Variants in RGSL1 observed in about 807,000 individuals in gnomAD.
RGSL1 encodes regulator of G protein signaling protein-like.
Under a neutral mutation model 124.7 loss-of-function variants are expected in RGSL1, and 97 were observed. The observed-to-expected ratio is 0.78, with a 90% CI of 0.66 to 0.92. The LOEUF (loss-of-function observed/expected upper bound fraction) is 0.92, where lower values mean the gene tolerates loss of function less well. Ranked by LOEUF, RGSL1 falls within the 40% of genes least tolerant of loss-of-function variation. The probability of loss-of-function intolerance (pLI) is 0.00; values close to 1 mark genes in which losing one functional copy is unlikely to be tolerated. For missense variants in RGSL1, 1,233 were observed against 1,288.4 expected (o/e 0.96, Z 0.66); for synonymous variants, 424 against 438.1 (o/e 0.97, Z 0.40).
intron 9 of RGSL1, among the ~76,000 whole-genome samples, chr1:182,504,567 T>C (rs1244060931): frequency 2.6e-5 from 4 of 150,994 alleles, no homozygotes; most frequent in African/African-American, 9.7e-5. Flanking sequence ...CTATGGAAAT[T>C]AGATTCTCCC....
chr1:182,549,843 A>G (rs1660450844), intron 17 of RGSL1: 1 of 152,236 alleles, frequency 6.6e-6, no homozygotes, highest in South Asian at 2.1e-4. Flanking sequence ...TAACCTTTTG[A>G]ACATCAAATG....
chr1:182,478,973 T>TGAGA (rs1654494850), intron 6 of RGSL1, among the ~76,000 whole-genome samples: 2 of 152,230 alleles, frequency 1.3e-5, no homozygotes, highest in African/African-American at 4.8e-5. Flanking sequence ...AACTGGCAAT[T>TGAGA]GAGAATTCTT....
In RGSL1 at chr1:182,548,681, G is replaced by C. The variant is rs145104723; in HGVS notation, c.2809-19G>C. 2.2e-5 allele frequency: 34 copies of C among 1,550,800 alleles called. No individual in the cohort carries two copies. The highest frequency in any genetic ancestry group is 2.8e-5 in the Non-Finnish European group (32 of 1,146,800). ...CCCGTGGAGCCTCTGCCAGTGACAG[G>C]CTCCCACTCTGTGGGTAGGTGAATG... On this transcript the variant is annotated intron_variant, in intron 16 of 21. Transcript: ENST00000294854.
At position 182,459,578 on chromosome 1, in the gene RGSL1, A is replaced by G. The variant is rs116472543; in HGVS notation, c.172-426A>G. On this transcript the variant is annotated intron_variant, in intron 3 of 21. Transcript: ENST00000294854. The stretch of plus-strand genomic sequence containing the variant: ...ATGTGTGAATTTTGTTTTTGTACAT[A>G]TAGTGCAATTGATAGGGGTTAGGAG... Among the ~76,000 whole-genome samples, 1,484 of 152,336 alleles carry G rather than the reference A, an allele frequency of 9.7e-3. 19 individuals carry two copies. The highest frequency in any genetic ancestry group is 0.034 in the African/African-American group (1,416 of 41,588).
At chr1:182,488,898 G>A in intron 7 of RGSL1, 82 bp from the exon 8 acceptor site, 1 of 1,082,072 alleles carries the variant, frequency 9.2e-7, no homozygotes, top group Non-Finnish European at 1.4e-6. Context: ...GGGAGGCATG[G>A]AGCACTGAGT....
intron 20 of RGSL1, 68 bp downstream of exon 20, chr1:182,554,761 G>C (rs980696287): frequency 4.0e-5 from 58 of 1,460,834 alleles, no homozygotes; most frequent in Middle Eastern, 1.8e-4. Context: ...AATAGGAGAT[G>C]GTATAAACTT....
rs1215640113 is a variant in RGSL1 at position 182,473,892 on chromosome 1, C to A, written c.781C>A (p.Pro261Thr). 6.4e-7 allele frequency: 1 copy of A among 1,551,750 alleles called. No homozygotes were observed. The highest frequency in any genetic ancestry group is 8.7e-7 in the Non-Finnish European group (1 of 1,147,024). Residue 261 changes from proline (P) to threonine (T), a missense_variant, in exon 6 of 22, where the codon CCT (proline) becomes ACT (threonine). Pro to Thr is a conservative substitution (Grantham distance 38). Coordinates refer to ENST00000294854, the MANE Select transcript of RGSL1 (RefSeq NM_001137669.2). ...GAGGAAGATGTGGCAATTGGTAGAT[C>A]CTGACTCTTGGTCTCTGGAAATGGA... ...AKRKMWQLVD[P>T]DSWSLEMDLK...
intron 13 of RGSL1, among the ~76,000 whole-genome samples, chr1:182,531,139 G>C (rs1371012810): frequency 6.6e-6 from 1 of 152,134 alleles, no homozygotes; most frequent in Non-Finnish European, 1.5e-5. Context: ...TAGTGTAGAG[G>C]ACATGGATTG....
At chr1:182,517,282 G>GTT (rs33967101) in intron 9 of RGSL1, among the ~76,000 whole-genome samples, 30,174 of 142,252 alleles carry the variant, frequency 0.21, 3,389 homozygotes, top group Middle Eastern at 0.29. Context: ...TTCTATTTCT[G>GTT]TTTTTTTTTT....
chr1:182,545,989 T>C (rs1660189103), intron 15 of RGSL1, among the ~76,000 whole-genome samples: 1 of 152,186 alleles, frequency 6.6e-6, no homozygotes, highest in African/African-American at 2.4e-5. Context: ...CTGTTATTAT[T>C]TTGAATAAGT....
In RGSL1 at chr1:182,484,122, T is replaced by C. The variant is rs144341215; in HGVS notation, c.1432-4163T>C. Reference sequence around the variant, plus strand: ...TACTTGGGATACAGGGAAAGGGATGTCTTAGCAGCTAGGACTCTAGAGGGC... The same window carrying C: ...TACTTGGGATACAGGGAAAGGGATGCCTTAGCAGCTAGGACTCTAGAGGGC... On this transcript the variant is annotated intron_variant, in intron 6 of 21. Transcript: ENST00000294854. Among the ~76,000 whole-genome samples the C allele has an allele frequency of 3.4e-4, 52 of 152,146 alleles. No individual in the cohort carries two copies. The East Asian group carries it at 0.01, about 29-fold the overall frequency.
At chr1:182,461,648 T>C (rs557005221) in intron 4 of RGSL1, among the ~76,000 whole-genome samples, 2 of 151,690 alleles carry the variant, frequency 1.3e-5, no homozygotes, top group South Asian at 4.2e-4. Flanking sequence ...AATGGAAATA[T>C]TAATACAGAG....
At position 182,453,957 on chromosome 1, in the gene RGSL1, G is replaced by C; in HGVS notation, c.14-1G>C. The C allele has an allele frequency of 6.9e-7, 1 of 1,457,778 alleles. No homozygotes were observed. The highest frequency in any genetic ancestry group is 9.4e-7 in the Non-Finnish European group (1 of 1,062,126). 90.3% of individuals were successfully genotyped at this position (1,457,778 alleles called of 1,614,324 possible). ...TTTTTTATTTCTCTCTCTCCATATAGAGATAATTGGTTCTACAAATCTTAT... is the reference window on the plus strand; with the variant it reads ...TTTTTTATTTCTCTCTCTCCATATACAGATAATTGGTTCTACAAATCTTAT... On this transcript the variant is annotated splice_acceptor_variant, in intron 1 of 21. Transcript: ENST00000294854. LOFTEE classifies it high-confidence loss of function.
chr1:182,453,878 C>T (rs2101978128), intron 1 of RGSL1, 80 bp from the exon 2 acceptor site: 1 of 748,466 alleles, frequency 1.3e-6, no homozygotes, highest in South Asian at 1.5e-5. Flanking sequence ...GTGAAATGAT[C>T]CATTCGATTG....
At chr1:182,491,510 C>A (rs1372852700) in intron 8 of RGSL1, among the ~76,000 whole-genome samples, 1 of 152,104 alleles carries the variant, frequency 6.6e-6, no homozygotes. Flanking sequence ...CCACCACACC[C>A]GACCACTATC....
chr1:182,450,223 A>G, intron 1 of RGSL1, 45 bp downstream of exon 1: 1 of 1,550,610 alleles, frequency 6.4e-7, no homozygotes, highest in Non-Finnish European at 8.7e-7. Context: ...AGTCTCTCAA[A>G]TAAGGCAAAC....
intron 8 of RGSL1, among the ~76,000 whole-genome samples, chr1:182,492,314 G>A (rs575578124): frequency 5.9e-5 from 9 of 152,270 alleles, no homozygotes; most frequent in South Asian, 4.1e-4. Flanking sequence ...GCAAAAACCC[G>A]TCTCTGCAAA....
intron 4 of RGSL1, chr1:182,460,622 A>G: frequency 2.2e-6 from 1 of 455,666 alleles, no homozygotes; most frequent in Non-Finnish European, 4.4e-6. Context: ...TCTTCCTCAT[A>G]GAAGCCAGAG....
At chr1:182,551,048 G>A in intron 17 of RGSL1, 52 bp from the exon 18 acceptor site, 2 of 1,259,922 alleles carry the variant, frequency 1.6e-6, no homozygotes, top group Non-Finnish European at 2.3e-6. Flanking sequence ...CGGTGCTCCA[G>A]CCCCCTCCAC....
Sources: allele counts gnomAD v4.1 joint callset (sites outside exome capture counted in the v4.1 genomes callset), GRCh38; gene constraint gnomAD v4.1.1; transcripts MANE v1.5; gene names NCBI Gene and HGNC (gene_info 2026-07-23, HGNC 2026-07-21).